Variants in CDH17 observed in about 807,000 individuals in gnomAD.
CDH17 encodes cadherin-17.
In CDH17, 67 loss-of-function variants were observed where a neutral mutation model predicts 86.3. The observed-to-expected ratio is 0.78, with a 90% confidence interval of 0.64 to 0.95. The LOEUF (loss-of-function observed/expected upper bound fraction) is 0.95, where lower values mean the gene tolerates loss of function less well. Ranked by LOEUF, CDH17 falls within the 40% of genes least tolerant of loss-of-function variation. The pLI is 0.00. For synonymous variants in CDH17, 367 were observed against 366.4 expected (o/e 1.00, Z -0.02); for missense variants, 993 against 1,017.6 (o/e 0.98, Z 0.33).
intron 1 of CDH17, among the ~76,000 whole-genome samples, chr8:94,213,830 T>C (rs553048197): frequency 1.3e-5 from 2 of 152,256 alleles, no homozygotes; most frequent in South Asian, 4.2e-4. Context: ...AAATTTCCCT[T>C]TACCCCGGCT....
chr8:94,205,417 T>C (rs1233457984), intron 1 of CDH17, among the ~76,000 whole-genome samples: 1 of 151,762 alleles, frequency 6.6e-6, no homozygotes, highest in Non-Finnish European at 1.5e-5. Context: ...TTAGGTTCCA[T>C]CCCATAGGAT....
At position 94,189,333 on chromosome 8, in the gene CDH17, G is replaced by A. The variant is rs202031120; in HGVS notation, c.52-48C>T. On this transcript the variant is annotated intron_variant, in intron 2 of 17. Coordinates refer to ENST00000027335, the MANE Select transcript of CDH17 (RefSeq NM_004063.4). The stretch of plus-strand genomic sequence containing the variant: ...TTAGCATCTTGTATGAAGTGTCTGT[G>A]TCACTCATTGATTTTATTAGGGCTT... 1.5e-4 allele frequency: 206 copies of A among 1,347,718 alleles called. 1 individual carries two copies. In the Middle Eastern group the frequency reaches 0.01, roughly 68 times the overall value. The allele number at this position is 1,347,718 out of a possible 1,614,324, so 83.5% of individuals were successfully genotyped here.
At chr8:94,205,176 T>G (rs1000360934) in intron 1 of CDH17, among the ~76,000 whole-genome samples, 10 of 152,236 alleles carry the variant, frequency 6.6e-5, no homozygotes, top group African/African-American at 1.9e-4. Context: ...GGGAGACCCT[T>G]TCTCCCCCAG....
chr8:94,128,457 A>G (rs1322578685), intron 17 of CDH17, 117 bp from the exon 18 acceptor site: 2 of 658,276 alleles, frequency 3.0e-6, no homozygotes, highest in Non-Finnish European at 5.2e-6. Context: ...TTTGTATGTG[A>G]TTCAACAAAA....
At chr8:94,159,064 T>C (rs562253071) in intron 12 of CDH17, among the ~76,000 whole-genome samples, 1 of 152,282 alleles carries the variant, frequency 6.6e-6, no homozygotes, top group South Asian at 2.1e-4. Context: ...CCTAGGAAAG[T>C]ATCTTAACTG....
intron 12 of CDH17, among the ~76,000 whole-genome samples, chr8:94,158,804 T>C (rs1286052997): frequency 6.6e-6 from 1 of 152,204 alleles, no homozygotes; most frequent in African/African-American, 2.4e-5. Flanking sequence ...GGATCACAAT[T>C]CCAAGGCTCT....
intron 11 of CDH17, among the ~76,000 whole-genome samples, chr8:94,160,788 G>A (rs2446868): frequency 0.1 from 15,253 of 152,232 alleles, 846 homozygotes; most frequent in Middle Eastern, 0.18. Flanking sequence ...GCTCAATAAA[G>A]AAAATCAACA....
chr8:94,194,614 A>G (rs547201991), intron 2 of CDH17, 21 bp downstream of exon 2: 17 of 1,535,288 alleles, frequency 1.1e-5, no homozygotes, highest in South Asian at 3.4e-5. Flanking sequence ...ACAAATAGAG[A>G]AGAACACCCT....
intron 12 of CDH17, among the ~76,000 whole-genome samples, chr8:94,155,566 C>G (rs987189873): frequency 1.3e-5 from 2 of 152,124 alleles, no homozygotes; most frequent in African/African-American, 4.8e-5. Flanking sequence ...ACTGTGGCCC[C>G]AGAGGCAATG....
chr8:94,201,417 A>T (rs893801112), intron 1 of CDH17, among the ~76,000 whole-genome samples: 3 of 152,342 alleles, frequency 2.0e-5, no homozygotes, highest in Admixed American at 2.0e-4. Context: ...TGAGGTTGTT[A>T]GAGTGGGCTC....
At chr8:94,156,705 C>T (rs1812955186) in intron 12 of CDH17, among the ~76,000 whole-genome samples, 1 of 152,166 alleles carries the variant, frequency 6.6e-6, no homozygotes, top group African/African-American at 2.4e-5. Context: ...AAGTTTGGCC[C>T]CCTTAGGCAA....
intron 1 of CDH17, among the ~76,000 whole-genome samples, chr8:94,197,578 A>G (rs992269260): frequency 2.6e-5 from 4 of 152,086 alleles, no homozygotes; most frequent in African/African-American, 9.7e-5. Flanking sequence ...CAGGCCTGTA[A>G]TCCCAGCACT....
chr8:94,201,103 T>TC (rs1354998735), intron 1 of CDH17, among the ~76,000 whole-genome samples: 1 of 152,100 alleles, frequency 6.6e-6, no homozygotes, highest in African/African-American at 2.4e-5. Context: ...AAAGGTTTTT[T>TC]CCCCCTACTT....
chr8:94,214,247 G>A (rs1814164060), intron 1 of CDH17, among the ~76,000 whole-genome samples: 4 of 152,102 alleles, frequency 2.6e-5, no homozygotes, highest in Admixed American at 2.6e-4. Context: ...CTGTCATGGG[G>A]TCAAGTAGGA....
At chr8:94,192,969 TC>T (rs936981030) in intron 2 of CDH17, among the ~76,000 whole-genome samples, 6 of 152,298 alleles carry the variant, frequency 3.9e-5, no homozygotes, top group Middle Eastern at 3.4e-3. Flanking sequence ...CAAGCAAACT[TC>T]CAGTCTTCAT....
chr8:94,146,255 G>T, intron 14 of CDH17, 88 bp from the exon 15 acceptor site: 2 of 1,249,136 alleles, frequency 1.6e-6, no homozygotes, highest in Non-Finnish European at 2.1e-6. Flanking sequence ...AATTCAAGGA[G>T]TTAGGTACAC....
chr8:94,139,199 TA>T (rs1444554395), intron 15 of CDH17, among the ~76,000 whole-genome samples: 1 of 152,070 alleles, frequency 6.6e-6, no homozygotes, highest in Non-Finnish European at 1.5e-5. Context: ...AAGTTTGATA[TA>T]AAAATAGACT....
In CDH17 at chr8:94,146,018, CATCAGTAGCCTCGAA is replaced by C; in HGVS notation, c.2062_2076del (p.Phe688_Asp692del). Reference sequence around the variant, plus strand: ...GGACCCCGAAATAAGTGCTGATCATCATCAGTAGCCTCGAAAATGAGACTTCCAGGTGCACTGAGG... The same window carrying C: ...GGACCCCGAAATAAGTGCTGATCATCAATGAGACTTCCAGGTGCACTGAGG... On this transcript the variant is annotated inframe_deletion, in exon 15 of 18. Coordinates refer to ENST00000027335, the MANE Select transcript of CDH17 (RefSeq NM_004063.4). 1 of 1,613,860 alleles carries C rather than the reference CATCAGTAGCCTCGAA, an allele frequency of 6.2e-7. No homozygotes were observed. The highest frequency in any genetic ancestry group is 1.1e-5 in the South Asian group (1 of 91,042).
At chr8:94,212,167 G>C (rs1460716661), upstream of CDH17, among the ~76,000 whole-genome samples, 1 of 151,978 alleles carries the variant, frequency 6.6e-6, no homozygotes, top group Admixed American at 6.6e-5. Context: ...TTACTTTTTT[G>C]GAGACAGGGT....
Sources: gnomAD v4.1 joint callset for allele counts (sites outside exome capture counted in the v4.1 genomes callset) on GRCh38, gnomAD v4.1.1 for gene constraint, MANE v1.5 for transcripts, NCBI Gene and HGNC (gene_info 2026-07-23, HGNC 2026-07-21) for gene names.